The following FLRT3 variants were observed in gnomAD, a reference collection of about 807,000 sequenced individuals.
FLRT3 encodes fibronectin leucine rich transmembrane protein 3, also known as leucine-rich repeat transmembrane protein FLRT3.
A neutral mutation model predicts 42.6 loss-of-function variants in FLRT3; 17 were observed. The ratio of observed to expected loss-of-function variants is 0.40; its 90% CI spans 0.27 to 0.60. The LOEUF is 0.60. Among genes scored for constraint, FLRT3 ranks in the 20% least tolerant of loss-of-function variants. The pLI is 0.44. For synonymous variants in FLRT3, 279 were observed against 286.4 expected (o/e 0.97, Z 0.26); for missense variants, 635 against 789.2 (o/e 0.80, Z 2.34).
At chr20:14,334,801 T>TC (rs1415069035) in intron 1 of FLRT3, among the ~76,000 whole-genome samples, 2 of 152,110 alleles carry the variant, frequency 1.3e-5, no homozygotes, top group African/African-American at 4.8e-5. Flanking sequence ...AATGCTTTTT[T>TC]TTTTTAAATA....
rs2082739789 is a variant in FLRT3 at position 14,326,616 on chromosome 20, T to G, written c.891A>C (p.Ile297=). 1.2e-6 allele frequency: 2 copies of G among 1,613,782 alleles called. No individual in the cohort carries two copies. The highest frequency in any genetic ancestry group is 1.3e-5 in the African/African-American group (1 of 74,920). Reference sequence around the variant, plus strand: ...GATTGTTGCGAAGAATCAGTTGTGTTATATTGTCCAAATCATCAAAGATAC... The same window carrying G: ...GATTGTTGCGAAGAATCAGTTGTGTGATATTGTCCAAATCATCAAAGATAC... ...PQGIFDDLDN[I]TQLILRNNPW... is the part of the protein sequence containing the mutation. Residue 297 remains isoleucine, a synonymous_variant, in exon 3 of 3, where the codon ATA becomes ATC. Coordinates refer to ENST00000341420, the MANE Select transcript of FLRT3 (RefSeq NM_198391.3). The surrounding 1 kb of genome is among the most constrained non-coding windows in gnomAD (Gnocchi z 5.5).
intron 1 of FLRT3, among the ~76,000 whole-genome samples, chr20:14,336,744 T>C (rs204605): frequency 0.69 from 105,414 of 152,078 alleles, 37,105 homozygotes; most frequent in Non-Finnish European, 0.75. Context: ...TGGATTTTGG[T>C]GTTCTATTGA....
intron 1 of FLRT3, among the ~76,000 whole-genome samples, chr20:14,334,199 T>C (rs2082895274): frequency 6.6e-6 from 1 of 152,212 alleles, no homozygotes; most frequent in Non-Finnish European, 1.5e-5. Flanking sequence ...TAACTCAAAG[T>C]TCTTTCTTAC....
At position 14,325,752 on chromosome 20, in the gene FLRT3, A is replaced by G; in HGVS notation, c.1755T>C (p.Ser585=). The change falls in exon 3 of 3, where the codon TCT becomes TCC. Residue 585 remains serine (S), a synonymous_variant. Transcript: ENST00000341420. ...AAGAAGTTTCCCTGATTTCCAGGAT[A>G]GAGTTGTCCTTCTTAGTGCCAGCTT... ...YAEAGTKKDN[S]ILEIRETSFQ... is the part of the protein sequence containing the mutation. 6.2e-7 allele frequency: 1 copy of G among 1,613,936 alleles called. No homozygotes were observed. Among genetic ancestry groups the G allele is most frequent in the Non-Finnish European group, 8.5e-7 (1 of 1,179,880 alleles).
At position 14,334,172 on chromosome 20, in the gene FLRT3, G is replaced by A. The variant is rs143931800; in HGVS notation, c.-247+3232C>T. Among the ~76,000 whole-genome samples, 1,048 of 152,110 alleles carry A rather than the reference G, an allele frequency of 6.9e-3. 32 individuals carry two copies. Among genetic ancestry groups the A allele is most frequent in the Admixed American group, 0.056 (855 of 15,258 alleles). On this transcript the variant is annotated intron_variant, in intron 1 of 2. Coordinates refer to ENST00000341420, the MANE Select transcript of FLRT3 (RefSeq NM_198391.3). Reference sequence around the variant, plus strand: ...TTCTACTTAAAATCTGTTTTCTCTGGGGTTTTCGTAAATAGATAACTCAAA... The same window carrying A: ...TTCTACTTAAAATCTGTTTTCTCTGAGGTTTTCGTAAATAGATAACTCAAA...
intron 1 of FLRT3, among the ~76,000 whole-genome samples, chr20:14,331,971 G>C (rs114279385): frequency 0.015 from 2,296 of 152,124 alleles, 23 homozygotes; most frequent in African/African-American, 0.027. Context: ...AAAATGAATC[G>C]ATCTTTTAGA....
chr20:14,329,691 T>A (rs1374991837), intron 1 of FLRT3, among the ~76,000 whole-genome samples: 1 of 152,110 alleles, frequency 6.6e-6, no homozygotes, highest in African/African-American at 2.4e-5. Flanking sequence ...GGTGAGCAAA[T>A]ACATTAACAA....
chr20:14,331,604 C>T (rs1051231287), intron 1 of FLRT3, among the ~76,000 whole-genome samples: 19 of 152,122 alleles, frequency 1.2e-4, no homozygotes, highest in Non-Finnish European at 2.1e-4. Context: ...GAGCTACTCT[C>T]ATATGCCCCT....
chr20:14,336,924 A>G (rs929529486), intron 1 of FLRT3, among the ~76,000 whole-genome samples: 5 of 152,202 alleles, frequency 3.3e-5, no homozygotes, highest in African/African-American at 9.6e-5. Flanking sequence ...CTCCAGGAGT[A>G]GCTCGGCTAG....
intron 1 of FLRT3, among the ~76,000 whole-genome samples, 165 bp downstream of exon 1, chr20:14,337,239 T>A (rs1601503787): frequency 6.6e-6 from 1 of 152,216 alleles, no homozygotes; most frequent in Non-Finnish European, 1.5e-5. Context: ...GCCATGATAG[T>A]GAAATTTTTC....
chr20:14,330,156 G>A (rs553798639), intron 1 of FLRT3, among the ~76,000 whole-genome samples: 1 of 152,020 alleles, frequency 6.6e-6, no homozygotes, highest in Non-Finnish European at 1.5e-5. Flanking sequence ...GTTCATACAT[G>A]AATATTGCCA....
chr20:14,333,122 T>A (rs1439256753), intron 1 of FLRT3, among the ~76,000 whole-genome samples: 1 of 152,004 alleles, frequency 6.6e-6, no homozygotes, highest in African/African-American at 2.4e-5. Flanking sequence ...AGTCATGAAG[T>A]CTGAAGGGTT....
intron 1 of FLRT3, among the ~76,000 whole-genome samples, chr20:14,331,629 A>G (rs2082843198): frequency 6.6e-6 from 1 of 152,132 alleles, no homozygotes; most frequent in South Asian, 2.1e-4. Flanking sequence ...CCTTAGGCTC[A>G]AAACAGTTCA....
At chr20:14,331,767 C>T (rs1391918322) in intron 1 of FLRT3, among the ~76,000 whole-genome samples, 1 of 152,064 alleles carries the variant, frequency 6.6e-6, no homozygotes, top group Non-Finnish European at 1.5e-5. Flanking sequence ...ATGAACGATC[C>T]TCTCCTATCC....
chr20:14,327,425 C>T lies in FLRT3; in HGVS notation c.82G>A (p.Ala28Thr), dbSNP rs2082754690. 1 of 1,613,576 alleles carries T rather than the reference C, an allele frequency of 6.2e-7. No homozygotes were observed. The highest frequency in any genetic ancestry group is 1.1e-5 in the South Asian group (1 of 91,080). The change falls in exon 3 of 3, where the codon GCT becomes ACT. Residue 28 changes from alanine (A) to threonine (T), a missense_variant. Transcript: ENST00000341420. ...FLQVAPLSVMAKSCPSVCRCD... is the reference protein window; with the variant it reads ...FLQVAPLSVMTKSCPSVCRCD... ...CGACACACAGATGGACAGGATTTAGCCATAACTGATAGAGGTGCTACTTGA... is the reference window on the plus strand; with the variant it reads ...CGACACACAGATGGACAGGATTTAGTCATAACTGATAGAGGTGCTACTTGA...
chr20:14,328,803 G>T (rs1165048009), intron 2 of FLRT3: 3 of 152,060 alleles, frequency 2.0e-5, no homozygotes, highest in Non-Finnish European at 4.4e-5. Flanking sequence ...TCATTAAAGT[G>T]GGGGCAGAAA....
chr20:14,334,515 A>G (rs1005424359), intron 1 of FLRT3, among the ~76,000 whole-genome samples: 1 of 152,100 alleles, frequency 6.6e-6, no homozygotes, highest in African/African-American at 2.4e-5. Context: ...GTTTTTGCCC[A>G]CTGGGGGGTG....
intron 1 of FLRT3, among the ~76,000 whole-genome samples, chr20:14,336,892 T>A (rs946992844): frequency 1.3e-5 from 2 of 152,194 alleles, no homozygotes; most frequent in African/African-American, 2.4e-5. Context: ...TAGCTGTTAA[T>A]CCTTTACAGA....
At chr20:14,328,116 C>T (rs905982708) in intron 2 of FLRT3, among the ~76,000 whole-genome samples, 1 of 152,128 alleles carries the variant, frequency 6.6e-6, no homozygotes, top group African/African-American at 2.4e-5. Context: ...TCCTCAATCT[C>T]AAACCCATAG....
Sources: gnomAD v4.1 joint callset for allele counts (sites outside exome capture counted in the v4.1 genomes callset) on GRCh38, gnomAD v4.1.1 for gene constraint, Gnocchi (gnomAD v3.1) non-coding constraint, MANE v1.5 for transcripts, NCBI Gene and HGNC (gene_info 2026-07-23, HGNC 2026-07-21) for gene names.